Variants in MAP4 observed in about 807,000 individuals in gnomAD.
MAP4 encodes the protein microtubule-associated protein 4.
A neutral mutation model predicts 170.2 loss-of-function variants in MAP4; 76 were observed. The ratio of observed to expected loss-of-function variants is 0.45; its 90% CI spans 0.37 to 0.54. The LOEUF (loss-of-function observed/expected upper bound fraction) is 0.54, where lower values mean the gene tolerates loss of function less well. Among genes scored for constraint, MAP4 ranks in the 20% least tolerant of loss-of-function variants. MAP4 has a pLI of 0.00. For synonymous variants in MAP4, 909 were observed against 994.5 expected, an observed-to-expected ratio of 0.91 and a Z score of 1.62; for missense variants, 2,506 against 2,748.0, an observed-to-expected ratio of 0.91 and a Z score of 1.97.
intron 1 of MAP4, among the ~76,000 whole-genome samples, chr3:48,058,936 C>A (rs561151675): frequency 2.6e-5 from 4 of 152,116 alleles, no homozygotes; most frequent in Non-Finnish European, 4.4e-5. Context: ...TGCACCACCA[C>A]GCCCGGCTAA....
Position 47,909,515 on chromosome 3 carries a change from A to C in MAP4, c.4906T>G (p.Cys1636Gly), listed in dbSNP as rs547956611. 2.5e-5 allele frequency: 41 copies of C among 1,613,298 alleles called. No individual in the cohort carries two copies. The highest frequency in any genetic ancestry group is 1.6e-4 in the Middle Eastern group (1 of 6,062). Residue 1636 changes from cysteine (C) to glycine (G), a missense_variant, in exon 9 of 21, where the codon TGT becomes GGT. Coordinates refer to ENST00000683076, the MANE Select transcript of MAP4 (RefSeq NM_001385682.1). The stretch of plus-strand genomic sequence containing the variant: ...CTATCTTGAGCATTTTGGTCCTCAC[A>C]AAAACTGAGCTTTTGTGCTTTGTCT... ...LEDKAQKLSF[C>G]EDQNAQDRNS...
intron 4 of MAP4, among the ~76,000 whole-genome samples, chr3:47,923,817 A>AAAAT (rs1240375753): frequency 6.6e-6 from 1 of 152,058 alleles, no homozygotes; most frequent in Non-Finnish European, 1.5e-5. Flanking sequence ...ACCCCATCTC[A>AAAAT]AAATAAATAA....
intron 12 of MAP4, among the ~76,000 whole-genome samples, chr3:47,873,792 T>C (rs1260572868): frequency 2.6e-5 from 4 of 152,230 alleles, no homozygotes; most frequent in African/African-American, 9.6e-5. Flanking sequence ...CATAGTCTTA[T>C]TATTTTGCCA....
At chr3:47,857,255 G>A (rs375052461) in intron 18 of MAP4, among the ~76,000 whole-genome samples, 176 bp downstream of exon 18, 3 of 152,236 alleles carry the variant, frequency 2.0e-5, no homozygotes, top group Admixed American at 6.5e-5. Context: ...TCCACTTAGA[G>A]GTTAGCACCC....
At chr3:48,043,718 T>A (rs1190178715) in intron 1 of MAP4, among the ~76,000 whole-genome samples, 26 of 152,144 alleles carry the variant, frequency 1.7e-4, no homozygotes, top group Admixed American at 8.5e-4. Context: ...AAATTAAACT[T>A]TCCACAGTTT....
chr3:47,921,935 A>C (rs768816537), intron 4 of MAP4, 57 bp from the exon 5 acceptor site: 1 of 812,980 alleles, frequency 1.2e-6, no homozygotes, highest in South Asian at 1.4e-5. Flanking sequence ...AGAAAGATTA[A>C]TATTTCTTTC....
chr3:47,910,626 G>C lies in MAP4; in HGVS notation c.3795C>G (p.Pro1265=), dbSNP rs767456518. The C allele has an allele frequency of 6.5e-7, 1 of 1,536,054 alleles. No individual in the cohort carries two copies. The highest frequency in any genetic ancestry group is 1.4e-5 in the African/African-American group (1 of 73,154). ...GTGAGAACGAAGAATCATGCATTTTGGGGAAAGTAAATCCTATTTCCTTGC... is the reference window on the plus strand; with the variant it reads ...GTGAGAACGAAGAATCATGCATTTTCGGGAAAGTAAATCCTATTTCCTTGC... ...HKSKEIGFTF[P]KMHDSSFSHT... The change falls in exon 9 of 21, where the codon CCC becomes CCG. Residue 1265 remains proline, a synonymous_variant. Coordinates refer to ENST00000683076, the MANE Select transcript of MAP4 (RefSeq NM_001385682.1).
intron 3 of MAP4, among the ~76,000 whole-genome samples, chr3:47,944,003 C>A (rs917567203): frequency 6.6e-6 from 1 of 152,072 alleles, no homozygotes; most frequent in Non-Finnish European, 1.5e-5. Flanking sequence ...CCTCTCTACA[C>A]AACTTCCTAT....
chr3:47,923,778 C>T (rs1161193025), intron 4 of MAP4, among the ~76,000 whole-genome samples: 1 of 151,996 alleles, frequency 6.6e-6, no homozygotes, highest in Non-Finnish European at 1.5e-5. Context: ...GGTTGTACCA[C>T]TGAGCTACAG....
intron 1 of MAP4, among the ~76,000 whole-genome samples, chr3:48,064,021 A>C (rs1376158135): frequency 6.6e-6 from 1 of 152,196 alleles, no homozygotes; most frequent in African/African-American, 2.4e-5. Context: ...GTCCTTGTTC[A>C]TTCCTAGACT....
Position 47,910,078 on chromosome 3 carries a change from G to A in MAP4, c.4343C>T (p.Pro1448Leu), listed in dbSNP as rs746761246. The change falls in exon 9 of 21, where the codon CCT becomes CTT. Residue 1448 changes from proline (P) to leucine (L), a missense_variant. By Grantham distance (98) the Pro-to-Leu change is moderately conservative. Around this residue, in one of 3 missense-constraint regions of MAP4, gnomAD observed 2,008 missense variants for 2,206.0 expected, o/e 0.91. Transcript: ENST00000683076. ...GGAATCACCTTCCTTTACTACTTGA[G>A]GAGTAGGAGTGGGCAGTTTTTCACA... ...AACEKLPTPT[P>L]QVVKEGDSFP... 7 of 1,613,974 alleles carry A rather than the reference G, an allele frequency of 4.3e-6. No individual in the cohort carries two copies. Among genetic ancestry groups the A allele is most frequent in the Middle Eastern group, 1.6e-4 (1 of 6,062 alleles).
At position 47,917,128 on chromosome 3, in the gene MAP4, C is replaced by T; in HGVS notation, c.699G>A (p.Arg233=). ...AKEIEMASEE[R]PPAQALEIMM... ...TTATTTCCAATGCTTGTGCTGGTGG[C>T]CTCTCTTCTGATGCCATTTCTATCT... Residue 233 remains arginine, a synonymous_variant, in exon 7 of 21, where the codon AGG becomes AGA. Coordinates refer to ENST00000683076, the MANE Select transcript of MAP4 (RefSeq NM_001385682.1). 2 of 1,614,084 alleles carry T rather than the reference C, an allele frequency of 1.2e-6. No homozygotes were observed. The highest frequency in any genetic ancestry group is 2.2e-5 in the East Asian group (1 of 44,882).
intron 12 of MAP4, among the ~76,000 whole-genome samples, chr3:47,875,365 T>C (rs764784331): frequency 3.3e-5 from 5 of 152,178 alleles, no homozygotes; most frequent in South Asian, 2.1e-4. Flanking sequence ...CCTAAGTAGA[T>C]AGAGTATTAC....
intron 1 of MAP4, among the ~76,000 whole-genome samples, chr3:48,088,559 C>G (rs1452886556): frequency 2.6e-5 from 4 of 151,140 alleles, no homozygotes; most frequent in Non-Finnish European, 4.4e-5. Context: ...CCCCCTAGAT[C>G]GCGCCTCAAA....
intron 3 of MAP4, chr3:47,974,127 T>C: frequency 1.0e-6 from 1 of 985,102 alleles, no homozygotes; most frequent in South Asian, 4.7e-5. Context: ...TCAGGGGATC[T>C]AAAACAATGT....
chr3:47,908,607 T>C (rs1255057624), intron 9 of MAP4, among the ~76,000 whole-genome samples: 9 of 152,124 alleles, frequency 5.9e-5, no homozygotes, highest in African/African-American at 2.2e-4. Context: ...TACATATAAA[T>C]TGAAAAAAAT....
At chr3:47,955,457 C>CGT (rs1272708129) in intron 3 of MAP4, among the ~76,000 whole-genome samples, 1 of 151,490 alleles carries the variant, frequency 6.6e-6, no homozygotes, top group African/African-American at 2.4e-5. Context: ...CACACACACA[C>CGT]ACACACACAC....
chr3:47,914,437 C>G, intron 8 of MAP4, among the ~76,000 whole-genome samples: 1 of 151,884 alleles, frequency 6.6e-6, no homozygotes, highest in Middle Eastern at 3.4e-3. Flanking sequence ...GTAATCCCAG[C>G]TACTCAGGAG....
At chr3:47,926,603 T>C (rs954442167) in intron 4 of MAP4, among the ~76,000 whole-genome samples, 19 of 152,188 alleles carry the variant, frequency 1.2e-4, no homozygotes, top group Non-Finnish European at 2.2e-4. Context: ...AGCACGATCC[T>C]AGGTAACTGC....
Sources: gnomAD v4.1 joint callset for allele counts (sites outside exome capture counted in the v4.1 genomes callset) on GRCh38, gnomAD v4.1.1 for gene constraint, gnomAD v4.1.1 regional missense constraint, MANE v1.5 for transcripts, NCBI Gene and HGNC (gene_info 2026-07-23, HGNC 2026-07-21) for gene names.